PDXDC1: variants seen among roughly 807,000 people sequenced by gnomAD.
PDXDC1 encodes the protein pyridoxal-dependent decarboxylase domain-containing protein 1.
PDXDC1 carries 42 observed loss-of-function variants against 100.1 expected under a neutral mutation model. That is an observed-to-expected ratio of 0.42 (90% CI 0.33 to 0.54). PDXDC1 has a LOEUF of 0.54. Among genes scored for constraint, PDXDC1 ranks in the 20% least tolerant of loss-of-function variants. PDXDC1 has a pLI of 0.10. For missense variants in PDXDC1, 636 were observed against 979.2 expected (o/e 0.65, Z 4.68); for synonymous variants, 260 against 371.7 (o/e 0.70, Z 3.46).
the PDXDC1 span, among the ~76,000 whole-genome samples, chr16:15,146,321 C>T: frequency 2.0e-5 from 3 of 152,168 alleles, no homozygotes; most frequent in Non-Finnish European, 4.4e-5. Context: ...CCAGCGACAG[C>T]GCACACCGCC....
chr16:15,101,122 G>C (rs867400448), intron 16 of PDXDC1, among the ~76,000 whole-genome samples: 3 of 152,154 alleles, frequency 2.0e-5, no homozygotes, highest in African/African-American at 7.2e-5. Flanking sequence ...TAGAGCTATC[G>C]TAAGGATTAG....
intron 1 of PDXDC1, among the ~76,000 whole-genome samples, chr16:14,984,098 GGCTGCAGGGAGCCACGATAGTGCC>G (rs1212925341): frequency 1.3e-5 from 2 of 152,226 alleles, no homozygotes; most frequent in Non-Finnish European, 1.5e-5. Flanking sequence ...AGGAGGGTGA[GGCTGCAGGGAGCCACGATAGTGCC>G]GCTGCACTTG....
intron 17 of PDXDC1, 47 bp from the exon 18 acceptor site, chr16:15,032,814 A>G: frequency 9.7e-7 from 1 of 1,028,328 alleles, no homozygotes. Flanking sequence ...ATCAGAAGAG[A>G]CATTTGATCT....
At chr16:15,147,933 C>T in the PDXDC1 span, among the ~76,000 whole-genome samples, 3 of 152,062 alleles carry the variant, frequency 2.0e-5, no homozygotes, top group Middle Eastern at 3.2e-3. Context: ...GATCCCCCCA[C>T]CTTGGCCTCC....
At chr16:15,072,624 G>T (rs1218028718) in intron 16 of PDXDC1, among the ~76,000 whole-genome samples, 1 of 152,034 alleles carries the variant, frequency 6.6e-6, no homozygotes, top group African/African-American at 2.4e-5. Flanking sequence ...CCAACGTGGC[G>T]AAACCCCACC....
chr16:15,142,327 C>T (rs1386387100), downstream of PDXDC1, among the ~76,000 whole-genome samples: 1 of 152,112 alleles, frequency 6.6e-6, no homozygotes, highest in Non-Finnish European at 1.5e-5. Flanking sequence ...CGCCTGTCAC[C>T]GGTTCTGGCC....
At chr16:15,052,498 G>A (rs951751409) in intron 16 of PDXDC1, among the ~76,000 whole-genome samples, 2 of 152,074 alleles carry the variant, frequency 1.3e-5, no homozygotes, top group African/African-American at 4.8e-5. Flanking sequence ...AACAGGAGAG[G>A]GGCATGAAGG....
intron 16 of PDXDC1, chr16:15,125,696 C>A (rs765572063): frequency 3.7e-6 from 5 of 1,353,118 alleles, no homozygotes; most frequent in African/African-American, 2.8e-5. Flanking sequence ...CTCACCTCAG[C>A]GTGGAGGCCT....
chr16:14,974,874 A>T (rs1223464702), upstream of PDXDC1: 4 of 1,535,656 alleles, frequency 2.6e-6, no homozygotes, highest in Admixed American at 5.9e-5. Context: ...TTCTACCTTG[A>T]TGATTGCAAC....
intron 13 of PDXDC1, 96 bp downstream of exon 13, chr16:15,022,850 A>G (rs1271963533): frequency 6.8e-6 from 7 of 1,022,930 alleles, no homozygotes; most frequent in South Asian, 6.8e-5. Flanking sequence ...TTTTCTCCAC[A>G]TTTCAGTGGA....
chr16:15,142,026 C>G (rs1189515151), downstream of PDXDC1, among the ~76,000 whole-genome samples: 1 of 152,206 alleles, frequency 6.6e-6, no homozygotes, highest in Non-Finnish European at 1.5e-5. Flanking sequence ...CAGGCAGGCC[C>G]CCTGGAAGGG....
At chr16:15,021,370 G>A (rs1435081891) in intron 12 of PDXDC1, among the ~76,000 whole-genome samples, 1 of 152,192 alleles carries the variant, frequency 6.6e-6, no homozygotes, top group Non-Finnish European at 1.5e-5. Flanking sequence ...GGGCGACAGA[G>A]TAGGACCCTG....
chr16:15,034,779 T>C (rs981751511), intron 21 of PDXDC1, among the ~76,000 whole-genome samples: 2 of 152,168 alleles, frequency 1.3e-5, no homozygotes, highest in Admixed American at 1.3e-4. Context: ...TCTCCACAGC[T>C]GTCACCACCG....
At chr16:15,041,834 G>T (rs1262050110), downstream of PDXDC1, among the ~76,000 whole-genome samples, 5 of 152,192 alleles carry the variant, frequency 3.3e-5, no homozygotes, top group Non-Finnish European at 7.3e-5. Context: ...TATGGGGCCA[G>T]ACACTAGGGA....
chr16:15,061,432 A>C, intron 16 of PDXDC1: 1 of 319,760 alleles, frequency 3.1e-6, no homozygotes. Context: ...GAAATTACCC[A>C]GTAATTGTGT....
In PDXDC1 at chr16:15,029,936, G is replaced by T; in HGVS notation, c.1294-15G>T. The T allele has an allele frequency of 1.9e-6, 3 of 1,549,402 alleles. No individual in the cohort carries two copies. In the African/African-American group the frequency reaches 4.1e-5, roughly 21 times the overall value. On this transcript the variant is annotated splice_polypyrimidine_tract_variant and intron_variant, in intron 15 of 22. Transcript: ENST00000396410. ...CCCTTGTTACAGGAGGGTGTTCATT[G>T]TGTCCTCCTCACAGCTGGGAGAACA...
At chr16:15,137,641 T>C in intron 16 of PDXDC1, 6 of 1,332,736 alleles carry the variant, frequency 4.5e-6, no homozygotes, top group Admixed American at 2.0e-5. Context: ...TGCTGTTCCC[T>C]TGGCCCGGAG....
chr16:15,033,542 T>A lies in PDXDC1; in HGVS notation c.1812+143T>A, dbSNP rs368197346. 90 of 965,884 alleles carry A rather than the reference T, an allele frequency of 9.3e-5. No homozygotes were observed. The East Asian group carries it at 2.1e-3, about 23-fold the overall frequency. 59.8% of individuals were successfully genotyped at this position (965,884 alleles called of 1,614,324 possible). A position where few individuals can be genotyped will look rare whatever the true frequency, so the allele number is the denominator to read the frequency against. On this transcript the variant is annotated intron_variant, in intron 19 of 22. Coordinates refer to ENST00000396410, the MANE Select transcript of PDXDC1 (RefSeq NM_015027.4). Reference sequence around the variant, plus strand: ...AATGTTTCCTGTAAGCTGGGCCTTGTGCCAGGTGTCAGAGATGCCAAGTAG... The same window carrying A: ...AATGTTTCCTGTAAGCTGGGCCTTGAGCCAGGTGTCAGAGATGCCAAGTAG...
intron 16 of PDXDC1, among the ~76,000 whole-genome samples, chr16:15,073,938 T>C (rs2045345084): frequency 1.3e-5 from 2 of 152,162 alleles, no homozygotes; most frequent in African/African-American, 4.8e-5. Flanking sequence ...AAAATGTTTA[T>C]CTTCAGCATC....
Sources: gnomAD v4.1 joint callset for allele counts (sites outside exome capture counted in the v4.1 genomes callset) on GRCh38, gnomAD v4.1.1 for gene constraint, MANE v1.5 for transcripts, NCBI Gene and HGNC (gene_info 2026-07-23, HGNC 2026-07-21) for gene names.